The following COL17A1 variants were observed in gnomAD, a reference collection of about 807,000 sequenced individuals.
The protein encoded by COL17A1 is collagen type XVII alpha 1 chain.
A neutral mutation model predicts 218.4 loss-of-function variants in COL17A1; 181 were observed. The ratio of observed to expected loss-of-function variants is 0.83; its 90% CI spans 0.73 to 0.94. COL17A1 has a LOEUF of 0.94. Ranked by LOEUF, COL17A1 falls within the 40% of genes least tolerant of loss-of-function variation. COL17A1 has a pLI of 0.00. For missense variants in COL17A1, 1,924 were observed against 1,945.9 expected, an observed-to-expected ratio of 0.99 and a Z score of 0.21; for synonymous variants, 721 against 731.0, an observed-to-expected ratio of 0.99 and a Z score of 0.22.
At chr10:104,068,592 A>G (rs970134333) in intron 9 of COL17A1, among the ~76,000 whole-genome samples, 6 of 152,254 alleles carry the variant, frequency 3.9e-5, no homozygotes, top group Non-Finnish European at 8.8e-5. Context: ...TGCCTGTGGA[A>G]TAGTACACAC....
At position 104,083,996 on chromosome 10, in the gene COL17A1, G is replaced by C. The variant is rs78950188; in HGVS notation, c.-12+1727C>G. 7.5e-3 allele frequency among the ~76,000 whole-genome samples: 1,140 copies of C among 152,282 alleles called. 42 individuals carry two copies. The highest frequency in any genetic ancestry group is 0.051 in the East Asian group (263 of 5,180). Reference sequence around the variant, plus strand: ...TGGCTATTGACCTGATAACACAGAAGGGCCCAGCAGTTTGATGCCAGGAAA... The same window carrying C: ...TGGCTATTGACCTGATAACACAGAACGGCCCAGCAGTTTGATGCCAGGAAA... On this transcript the variant is annotated intron_variant, in intron 1 of 55. Transcript: ENST00000648076.
At chr10:104,036,772 T>TCCCCCC in intron 47 of COL17A1, 140 bp from the exon 48 acceptor site, 2 of 1,082,274 alleles carry the variant, frequency 1.8e-6, no homozygotes, top group Non-Finnish European at 2.7e-6. Flanking sequence ...GACCACGGTG[T>TCCCCCC]TCAGGGGGGA....
intron 9 of COL17A1, among the ~76,000 whole-genome samples, chr10:104,065,329 C>T (rs2086617926): frequency 6.6e-6 from 1 of 152,192 alleles, no homozygotes; most frequent in African/African-American, 2.4e-5. Context: ...GGGATGTTTC[C>T]TATCATAGTA....
At position 104,077,422 on chromosome 10, in the gene COL17A1, T is replaced by G. The variant is rs1215503542; in HGVS notation, c.202A>C (p.Thr68Pro). The part of the protein sequence containing the change: ...THGSSGYINS[T>P]GSTRGHASTS... ...ACCTCTTGCACTAGTGGGCACTCAC[T>G]TGAGTTTATGTAGCCGCTGCTGCCA... The change falls in exon 4 of 56, where the codon ACT becomes CCT. Residue 68 changes from threonine to proline, a missense_variant and splice_region_variant. By Grantham distance (38) the Thr-to-Pro change is conservative (BLOSUM62 -1). Transcript: ENST00000648076. 2 of 1,611,400 alleles carry G rather than the reference T, an allele frequency of 1.2e-6. No individual in the cohort carries two copies. Among genetic ancestry groups the G allele is most frequent in the Admixed American group, 3.3e-5 (2 of 59,790 alleles).
At chr10:104,074,526 C>T (rs934916696) in intron 5 of COL17A1, among the ~76,000 whole-genome samples, 1 of 152,186 alleles carries the variant, frequency 6.6e-6, no homozygotes, top group Admixed American at 6.5e-5. Context: ...TGTTCAGTTC[C>T]TCCACCGGCT....
At chr10:104,045,874 C>A (rs1017777468) in intron 32 of COL17A1, 81 bp from the exon 33 acceptor site, 10 of 1,118,708 alleles carry the variant, frequency 8.9e-6, no homozygotes, top group Non-Finnish European at 1.4e-5. Flanking sequence ...AGTGCTCCGT[C>A]ACTCAGCACA....
At chr10:104,033,666 C>T (rs1457064846) in intron 52 of COL17A1, among the ~76,000 whole-genome samples, 1 of 152,238 alleles carries the variant, frequency 6.6e-6, no homozygotes, top group Non-Finnish European at 1.5e-5. Flanking sequence ...GAAAATCCAG[C>T]ATGGTCATAT....
intron 16 of COL17A1, 81 bp downstream of exon 16, chr10:104,058,065 G>T: frequency 6.3e-7 from 1 of 1,585,454 alleles, no homozygotes; most frequent in South Asian, 1.1e-5. Flanking sequence ...CTGCTTCCAG[G>T]CGAGGGACCA....
At position 104,033,268 on chromosome 10, in the gene COL17A1, C is replaced by T. The variant is rs751338310; in HGVS notation, c.4264G>A (p.Val1422Met). The T allele has an allele frequency of 9.4e-6, 15 of 1,592,790 alleles. No homozygotes were observed. In the Admixed American group the frequency reaches 1.4e-4, roughly 15 times the overall value. Residue 1422 changes from valine (V) to methionine (M), a missense_variant, in exon 53 of 56, where the codon GTG becomes ATG. By Grantham distance (21) the Val-to-Met change is conservative (BLOSUM62 1). Coordinates refer to ENST00000648076, the MANE Select transcript of COL17A1 (RefSeq NM_000494.4). ...AAGAAGTCCATGAGGTCCGCAGTCA[C>T]GTTGCTGTAGGCAGAGAAGACCTTG... is the stretch of plus-strand genomic sequence containing the variant. ...ISKVFSAYSN[V>M]TADLMDFFQT... is the part of the protein sequence containing the mutation.
At chr10:104,059,958 G>A (rs773396987) in intron 14 of COL17A1, among the ~76,000 whole-genome samples, 161 bp downstream of exon 14, 2 of 152,120 alleles carry the variant, frequency 1.3e-5, no homozygotes, top group Non-Finnish European at 1.5e-5. Flanking sequence ...CTGCATTCAA[G>A]GCAGACCCTG....
At position 104,032,918 on chromosome 10, in the gene COL17A1, G is replaced by A. The variant is rs747839557; in HGVS notation, c.4345C>T (p.Pro1449Ser). 7 of 1,614,154 alleles carry A rather than the reference G, an allele frequency of 4.3e-6. No individual in the cohort carries two copies. Among genetic ancestry groups the A allele is most frequent in the Non-Finnish European group, 5.9e-6 (7 of 1,180,014 alleles). ...TGCCACCACTTACCTTTGGGTCCTG[G>A]AGTGCCCATCTCTCCTTTTTGCCCA... ...PPGQKGEMGT[P>S]GPKGDRGPAG... is the part of the protein sequence containing the mutation. Residue 1449 changes from proline (P) to serine (S), a missense_variant, in exon 54 of 56, where the codon CCA becomes TCA. Transcript: ENST00000648076.
intron 15 of COL17A1, 56 bp downstream of exon 15, chr10:104,059,582 A>C: frequency 6.6e-7 from 1 of 1,514,204 alleles, no homozygotes; most frequent in Non-Finnish European, 9.2e-7. Context: ...GAAGACAATG[A>C]AATGAAATGT....
chr10:104,035,063 C>T (rs2086262366), intron 50 of COL17A1, among the ~76,000 whole-genome samples, 200 bp downstream of exon 50: 1 of 152,170 alleles, frequency 6.6e-6, no homozygotes. Context: ...CGGGCTGCGC[C>T]TGGGAAAGCC....
Position 104,034,484 on chromosome 10 carries a change from G to T in COL17A1, c.3766+137C>A, listed in dbSNP as rs560293842. ...TGTACCCGAGTGGGAGAATTTTGGTGTGGAAGGAAACCGGGCTTACCCCAC... is the reference window on the plus strand; with the variant it reads ...TGTACCCGAGTGGGAGAATTTTGGTTTGGAAGGAAACCGGGCTTACCCCAC... On this transcript the variant is annotated intron_variant, in intron 51 of 55. Coordinates refer to ENST00000648076, the MANE Select transcript of COL17A1 (RefSeq NM_000494.4). The T allele has an allele frequency of 3.7e-4, 546 of 1,490,770 alleles. 3 individuals are homozygous for T. In the South Asian group the frequency reaches 6.2e-3, roughly 17 times the overall value. 92.3% of individuals were successfully genotyped at this position (1,490,770 alleles called of 1,614,324 possible).
intron 32 of COL17A1, among the ~76,000 whole-genome samples, chr10:104,046,014 G>A (rs2086405710): frequency 6.6e-6 from 1 of 152,226 alleles, no homozygotes; most frequent in South Asian, 2.1e-4. Context: ...TTGGCTTGGA[G>A]CAGGCAGAGG....
chr10:104,073,078 C>T (rs1265570299), intron 7 of COL17A1, 132 bp downstream of exon 7: 5 of 869,760 alleles, frequency 5.7e-6, no homozygotes, highest in African/African-American at 5.0e-5. Context: ...CTCTAAGCTC[C>T]TCGAAAGCAG....
chr10:104,034,609 C>G lies in COL17A1; in HGVS notation c.3766+12G>C. The G allele has an allele frequency of 1.2e-6, 2 of 1,608,130 alleles. No homozygotes were observed. Among genetic ancestry groups the G allele is most frequent in the Non-Finnish European group, 1.7e-6 (2 of 1,177,318 alleles). On this transcript the variant is annotated intron_variant, in intron 51 of 55. Transcript: ENST00000648076. ...GGGGTGCCTGGTGGGGCATCACCGT[C>G]GGGGCACCTACTTGTGAGGTAGCTG...
At chr10:104,047,322 G>A (rs2086421815) in intron 31 of COL17A1, among the ~76,000 whole-genome samples, 1 of 152,134 alleles carries the variant, frequency 6.6e-6, no homozygotes, top group African/African-American at 2.4e-5. Flanking sequence ...GCCCAGTACA[G>A]GAGAGGAGGA....
At chr10:104,071,159 G>A (rs1304327286) in intron 8 of COL17A1, among the ~76,000 whole-genome samples, 2 of 152,174 alleles carry the variant, frequency 1.3e-5, no homozygotes, top group African/African-American at 4.8e-5. Flanking sequence ...AGAGGTGGGA[G>A]GCACCATGCA....
Sources: allele counts gnomAD v4.1 joint callset (sites outside exome capture counted in the v4.1 genomes callset), GRCh38; gene constraint gnomAD v4.1.1; transcripts MANE v1.5; gene names NCBI Gene and HGNC (gene_info 2026-07-23, HGNC 2026-07-21).